Variants in SHB observed in about 807,000 individuals in gnomAD.
SHB encodes SH2 domain-containing adapter protein B.
SHB carries 20 observed loss-of-function variants against 52.3 expected under a neutral mutation model. The ratio of observed to expected loss-of-function variants is 0.38; its 90% CI spans 0.27 to 0.56. The LOEUF (loss-of-function observed/expected upper bound fraction) is 0.56, where lower values mean the gene tolerates loss of function less well. SHB is among the 20% of genes least tolerant of loss of function. The pLI is 0.71. For synonymous variants in SHB, 397 were observed against 316.5 expected, an observed-to-expected ratio of 1.25 and a Z score of -2.70; for missense variants, 825 against 723.3, an observed-to-expected ratio of 1.14 and a Z score of -1.61.
intron 1 of SHB, among the ~76,000 whole-genome samples, chr9:38,044,738 G>A (rs996845799): frequency 6.6e-6 from 1 of 152,184 alleles, no homozygotes; most frequent in African/African-American, 2.4e-5. Context: ...GCAATTTGGG[G>A]ACTATTGGGG....
chr9:38,064,605 T>G (rs1270277366), intron 1 of SHB, among the ~76,000 whole-genome samples: 1 of 152,134 alleles, frequency 6.6e-6, no homozygotes, highest in African/African-American at 2.4e-5. Flanking sequence ...GTGATGAACT[T>G]CCCAAATTCT....
chr9:38,068,472 G>A lies in SHB; in HGVS notation c.174C>T (p.Ala58=). The A allele has an allele frequency of 2.0e-6, 3 of 1,513,110 alleles. No homozygotes were observed. Among genetic ancestry groups the A allele is most frequent in the South Asian group, 2.5e-5 (2 of 81,456 alleles). 93.7% of individuals were successfully genotyped at this position (1,513,110 alleles called of 1,614,324 possible). Residue 58 remains alanine, a synonymous_variant, in exon 1 of 6, where the codon GCC becomes GCT. Transcript: ENST00000377707. The stretch of plus-strand genomic sequence containing the variant: ...AAGAGGCTGAGAAGCAGGAGGCGGT[G>A]GCCGGACCGCAGGACGCCGAGGCGG... The part of the protein sequence containing the change: ...SSAASASCGP[A]TASCFSASSG...
intron 2 of SHB, 61 bp downstream of exon 2, chr9:38,015,950 C>A: frequency 6.3e-7 from 1 of 1,574,880 alleles, no homozygotes; most frequent in Non-Finnish European, 8.7e-7. Context: ...CGGCAGTGCC[C>A]TCACTCCCTT....
chr9:38,036,194 G>C (rs1297486423), intron 1 of SHB, among the ~76,000 whole-genome samples: 3 of 152,138 alleles, frequency 2.0e-5, no homozygotes, highest in East Asian at 1.9e-4. Flanking sequence ...GAAGACCCCA[G>C]AGAAACACCA....
In SHB at chr9:37,987,585, G is replaced by A. The variant is rs201511315; in HGVS notation, c.839-12748C>T. On this transcript the variant is annotated intron_variant, in intron 2 of 5. Coordinates refer to ENST00000377707, the MANE Select transcript of SHB (RefSeq NM_003028.3). Reference sequence around the variant, plus strand: ...ATCCCACAAGGTTGAGTGACACCAGGCAAGTCGCTTCCTCCCTCTGGCTGT... The same window carrying A: ...ATCCCACAAGGTTGAGTGACACCAGACAAGTCGCTTCCTCCCTCTGGCTGT... Among the ~76,000 whole-genome samples, 6 of 152,320 alleles carry A rather than the reference G, an allele frequency of 3.9e-5. No homozygotes were observed. In the East Asian group the frequency reaches 7.7e-4, roughly 20 times the overall value.
rs118185977 is a variant in SHB, at chr9:38,067,879, G to A, written c.717+50C>T. On this transcript the variant is annotated intron_variant, in intron 1 of 5. Transcript: ENST00000377707. ...GAGCGGCGGGTGCCTCGGTTTCCCC[G>A]TGCGCACCGTGGCTCTGGAACCTCG... is the stretch of plus-strand genomic sequence containing the variant. The A allele has an allele frequency of 8.1e-4, 1,145 of 1,410,046 alleles. 12 individuals carry two copies. In the East Asian group the frequency reaches 0.027, roughly 34 times the overall value. 87.3% of individuals were successfully genotyped at this position (1,410,046 alleles called of 1,614,324 possible).
intron 1 of SHB, among the ~76,000 whole-genome samples, chr9:38,028,722 T>A (rs1263255795): frequency 1.3e-5 from 2 of 152,212 alleles, no homozygotes; most frequent in Non-Finnish European, 2.9e-5. Flanking sequence ...CAAAATCCTT[T>A]CTGGCATCTC....
At position 37,919,642 on chromosome 9, in the gene SHB, C is replaced by T. The variant is rs531777856; in HGVS notation, c.*179G>A. 12 of 542,062 alleles carry T rather than the reference C, an allele frequency of 2.2e-5. No individual in the cohort carries two copies. The South Asian group carries it at 2.9e-4, about 13-fold the overall frequency. The allele number at this position is 542,062 out of a possible 1,614,324, so 33.6% of individuals were successfully genotyped here. A position where few individuals can be genotyped will look rare whatever the true frequency, so the allele number is the denominator to read the frequency against. On this transcript the variant is annotated 3_prime_UTR_variant, in exon 6 of 6. Transcript: ENST00000377707. ...GTGTTGCCGCCCTTCTGTCTTTATC[C>T]AGGCCTTCTCCAGCCCCCGTAAGTG...
chr9:37,951,163 T>C (rs1271259062), intron 4 of SHB, among the ~76,000 whole-genome samples: 1 of 152,212 alleles, frequency 6.6e-6, no homozygotes, highest in African/African-American at 2.4e-5. Flanking sequence ...GTGAGTGTCC[T>C]TGTCCAGTGG....
chr9:38,057,241 ATCTTTCCATG>A (rs1395108202), intron 1 of SHB, among the ~76,000 whole-genome samples: 1 of 152,254 alleles, frequency 6.6e-6, no homozygotes, highest in Non-Finnish European at 1.5e-5. Context: ...TATTGTAGAC[ATCTTTCCATG>A]TCTTTACGTT....
chr9:37,956,031 G>C lies in SHB; in HGVS notation c.1078C>G (p.Arg360Gly), dbSNP rs754754252. 6.4e-7 allele frequency: 1 copy of C among 1,568,174 alleles called. No homozygotes were observed. Among genetic ancestry groups the C allele is most frequent in the South Asian group, 1.2e-5 (1 of 85,380 alleles). The change falls in exon 4 of 6, where the codon CGG (arginine) becomes GGG (glycine). Residue 360 changes from arginine (R) to glycine (G), a missense_variant. Coordinates refer to ENST00000377707, the MANE Select transcript of SHB (RefSeq NM_003028.3). Reference sequence around the variant, plus strand: ...CGCGAAGGTGAGGGGGATGACTGCCGCTTCTCGTTGCCATTAAACTGTGCT... The same window carrying C: ...CGCGAAGGTGAGGGGGATGACTGCCCCTTCTCGTTGCCATTAAACTGTGCT... ...LAAQFNGNEKRQSSPSPSRDR... is the reference protein window; with the variant it reads ...LAAQFNGNEKGQSSPSPSRDR...
chr9:38,010,707 T>C (rs922657825), intron 2 of SHB, among the ~76,000 whole-genome samples: 4 of 152,222 alleles, frequency 2.6e-5, no homozygotes, highest in South Asian at 4.1e-4. Flanking sequence ...TCCAGGTCCA[T>C]GCCTATCTGC....
chr9:38,042,756 T>C (rs1310728435), intron 1 of SHB, among the ~76,000 whole-genome samples: 1 of 152,172 alleles, frequency 6.6e-6, no homozygotes, highest in Non-Finnish European at 1.5e-5. Flanking sequence ...GCATGGGCTT[T>C]CCTGGGGCGA....
intron 2 of SHB, among the ~76,000 whole-genome samples, chr9:37,981,572 T>TCAA (rs56871243): frequency 0.57 from 86,887 of 151,760 alleles, 25,275 homozygotes; most frequent in East Asian, 0.77. Flanking sequence ...TTAATTTTCT[T>TCAA]CAACTTTTCC....
rs1366711804 is a variant in SHB at position 38,018,328 on chromosome 9, A to G, written c.718-2197T>C. ...GAAGGACTGTGATTCAGCAAGTGCT[A>G]CCTATATTTTCTAATTAAAATGAGA... On this transcript the variant is annotated intron_variant, in intron 1 of 5. Transcript: ENST00000377707. Among the ~76,000 whole-genome samples, 5 of 152,152 alleles carry G rather than the reference A, an allele frequency of 3.3e-5. No individual in the cohort carries two copies. In the East Asian group the frequency reaches 9.6e-4, roughly 29 times the overall value.
intron 2 of SHB, among the ~76,000 whole-genome samples, chr9:37,993,251 C>G (rs1212349544): frequency 2.0e-5 from 3 of 152,010 alleles, no homozygotes; most frequent in Non-Finnish European, 4.4e-5. Flanking sequence ...GGAACGGATG[C>G]CTACTTGAAT....
intron 2 of SHB, among the ~76,000 whole-genome samples, chr9:38,007,488 ACGC>A (rs1821087636): frequency 2.0e-5 from 3 of 152,132 alleles, no homozygotes; most frequent in African/African-American, 7.2e-5. Flanking sequence ...TCCCACCCTG[ACGC>A]CAAGGCAGCC....
At chr9:37,979,387 G>GA (rs1820694158) in intron 2 of SHB, among the ~76,000 whole-genome samples, 1 of 152,154 alleles carries the variant, frequency 6.6e-6, no homozygotes, top group Non-Finnish European at 1.5e-5. Flanking sequence ...TGTTAGAACT[G>GA]AAAGGGACCC....
In SHB at chr9:38,068,370, GA is replaced by G; in HGVS notation, c.275del (p.Phe92SerfsTer149). On this transcript the variant is annotated frameshift_variant, in exon 1 of 6. Transcript: ENST00000377707. LOFTEE classifies it high-confidence loss of function. ...RAYRAQKERD[F>X]EDPYNGPGSS... Reference sequence around the variant, plus strand: ...AGCCAGGCCCGTTGTAGGGGTCCTCGAAGTCTCGCTCCTTCTGCGCGCGGTA... The same window carrying G: ...AGCCAGGCCCGTTGTAGGGGTCCTCGAGTCTCGCTCCTTCTGCGCGCGGTA... The G allele has an allele frequency of 6.4e-7, 1 of 1,571,452 alleles. No individual in the cohort carries two copies.
Sources: gnomAD v4.1 joint callset for allele counts (sites outside exome capture counted in the v4.1 genomes callset) on GRCh38, gnomAD v4.1.1 for gene constraint, MANE v1.5 for transcripts, NCBI Gene and HGNC (gene_info 2026-07-23, HGNC 2026-07-21) for gene names.